CEP55: variants seen among roughly 807,000 people sequenced by gnomAD.
The protein encoded by CEP55 is centrosomal protein 55, also known as centrosomal protein of 55 kDa.
Under a neutral mutation model 63.2 loss-of-function variants are expected in CEP55, and 57 were observed. That is an observed-to-expected ratio of 0.90 (90% CI 0.73 to 1.13). The LOEUF is 1.13. Ranked by LOEUF, CEP55 falls within the 50% of genes most tolerant of loss-of-function variation. CEP55 has a pLI of 0.00. For synonymous variants in CEP55, 178 were observed against 191.6 expected (o/e 0.93, Z 0.59); for missense variants, 456 against 518.9 (o/e 0.88, Z 1.18).
At chr10:93,514,870 T>A (rs2057787360) in intron 4 of CEP55, among the ~76,000 whole-genome samples, 2 of 152,224 alleles carry the variant, frequency 1.3e-5, no homozygotes, top group South Asian at 4.1e-4. Flanking sequence ...CCTCCCGGGT[T>A]CAAGTGATTC....
At chr10:93,519,160 T>C (rs2057832340) in intron 7 of CEP55, 1 of 490,244 alleles carries the variant, frequency 2.0e-6, no homozygotes, top group South Asian at 3.2e-5. Context: ...CTAAACAGAT[T>C]CTTGAGGTGT....
intron 8 of CEP55, among the ~76,000 whole-genome samples, chr10:93,521,385 G>A (rs1404593912): frequency 2.6e-5 from 4 of 152,210 alleles, no homozygotes; most frequent in African/African-American, 9.6e-5. Context: ...CAAGGTAGCA[G>A]TGAGGCTGGG....
intron 8 of CEP55, among the ~76,000 whole-genome samples, chr10:93,524,221 G>T (rs1358614404): frequency 2.0e-5 from 3 of 151,912 alleles, no homozygotes; most frequent in East Asian, 1.9e-4. Context: ...AAAGAGAGAA[G>T]AATCAAATAG....
At chr10:93,508,888 C>T (rs1487716098) in intron 4 of CEP55, among the ~76,000 whole-genome samples, 1 of 152,204 alleles carries the variant, frequency 6.6e-6, no homozygotes, top group African/African-American at 2.4e-5. Context: ...GCTAAATTTA[C>T]AATCTATTTA....
At chr10:93,526,268 G>A (rs1241886634) in intron 8 of CEP55, among the ~76,000 whole-genome samples, 2 of 152,136 alleles carry the variant, frequency 1.3e-5, no homozygotes, top group African/African-American at 4.8e-5. Flanking sequence ...CAAAAAGTGG[G>A]TGAAGGATAT....
At chr10:93,524,317 G>A (rs930449869) in intron 8 of CEP55, among the ~76,000 whole-genome samples, 11 of 152,194 alleles carry the variant, frequency 7.2e-5, no homozygotes, top group Middle Eastern at 6.8e-3. Context: ...ACACCTCTAC[G>A]CAAATAAACT....
Position 93,528,448 on chromosome 10 carries a change from G to T in CEP55, c.*295G>T. The T allele has an allele frequency of 9.0e-6, 3 of 334,260 alleles. No homozygotes were observed. The highest frequency in any genetic ancestry group is 1.6e-5 in the Non-Finnish European group (3 of 183,140). 20.7% of individuals were successfully genotyped at this position (334,260 alleles called of 1,614,324 possible). A position where few individuals can be genotyped will look rare whatever the true frequency, so the allele number is the denominator to read the frequency against. ...ACTTGGTGAGGAAAAGATAGCTCAG[G>T]TTATTGCTAATGGGTTAATGCACCA... On this transcript the variant is annotated 3_prime_UTR_variant, in exon 9 of 9. Coordinates refer to ENST00000371485, the MANE Select transcript of CEP55 (RefSeq NM_018131.5).
intron 8 of CEP55, chr10:93,520,042 T>C (rs1252101724): frequency 5.2e-5 from 28 of 533,982 alleles, no homozygotes; most frequent in Non-Finnish European, 1.3e-5. Context: ...GCTGTGATGC[T>C]GGAGGCACTA....
At chr10:93,507,250 A>G (rs2057698774) in intron 4 of CEP55, among the ~76,000 whole-genome samples, 194 bp downstream of exon 4, 1 of 143,400 alleles carries the variant, frequency 7.0e-6, no homozygotes, top group African/African-American at 2.5e-5. Flanking sequence ...TTCCTGAGGC[A>G]AAGTCTCGGT....
intron 4 of CEP55, among the ~76,000 whole-genome samples, chr10:93,513,724 A>G (rs1275606702): frequency 6.6e-6 from 1 of 152,192 alleles, no homozygotes; most frequent in Non-Finnish European, 1.5e-5. Context: ...GGTTCTTCGA[A>G]GTTCAGATTA....
chr10:93,521,491 C>T (rs1395549143), intron 8 of CEP55, among the ~76,000 whole-genome samples: 1 of 152,182 alleles, frequency 6.6e-6, no homozygotes, highest in Non-Finnish European at 1.5e-5. Context: ...AGGAGGCCTG[C>T]CTGCCTCTGT....
rs1364418227 is a variant in CEP55 at position 93,519,593 on chromosome 10, C to T, written c.1066-89C>T. The T allele has an allele frequency of 6.5e-6, 9 of 1,378,404 alleles. No individual in the cohort carries two copies. The African/African-American group carries it at 1.3e-4, about 20-fold the overall frequency. 85.4% of individuals were successfully genotyped at this position (1,378,404 alleles called of 1,614,324 possible). On this transcript the variant is annotated intron_variant, in intron 7 of 8. Coordinates refer to ENST00000371485, the MANE Select transcript of CEP55 (RefSeq NM_018131.5). ...ACGATGGTACAATAAATATTTTCTT[C>T]ATGTGCTAATAAAAAAATGTGAGCA... is the stretch of plus-strand genomic sequence containing the variant.
At chr10:93,506,237 C>T (rs896423545) in intron 3 of CEP55, among the ~76,000 whole-genome samples, 5 of 152,182 alleles carry the variant, frequency 3.3e-5, no homozygotes, top group African/African-American at 7.2e-5. Context: ...CCACTGCACC[C>T]GGCCTAATTA....
intron 4 of CEP55, among the ~76,000 whole-genome samples, chr10:93,514,885 G>C (rs1373243599): frequency 6.6e-6 from 1 of 152,182 alleles, no homozygotes; most frequent in Non-Finnish European, 1.5e-5. Context: ...TGATTCTCCT[G>C]CCTCAGCCTC....
intron 2 of CEP55, among the ~76,000 whole-genome samples, chr10:93,502,629 T>C (rs904132260): frequency 3.3e-5 from 5 of 152,240 alleles, no homozygotes; most frequent in African/African-American, 1.2e-4. Context: ...CTGAATCATT[T>C]ATCGAAAGTA....
rs776947377 is a variant in CEP55, at chr10:93,515,551, A to C, written c.675A>C (p.Ser225=). ...SLPQQTKKPE[S]EGYLQEEKQK... ...CACAGCAGACAAAAAAGCCTGAATC[A>C]GAAGGTACTGACTGGTATAAAAATG... The change falls in exon 5 of 9, where the codon TCA becomes TCC. Residue 225 remains serine, a synonymous_variant. Coordinates refer to ENST00000371485, the MANE Select transcript of CEP55 (RefSeq NM_018131.5). 6.2e-7 allele frequency: 1 copy of C among 1,612,662 alleles called. No homozygotes were observed. The highest frequency in any genetic ancestry group is 8.5e-7 in the Non-Finnish European group (1 of 1,178,816).
rs1281216271 is a variant in CEP55, at chr10:93,500,090, GT to G, written c.40del (p.Trp14GlyfsTer14). 1 of 1,612,498 alleles carries G rather than the reference GT, an allele frequency of 6.2e-7. No homozygotes were observed. The highest frequency in any genetic ancestry group is 1.7e-5 in the Admixed American group (1 of 59,504). On this transcript the variant is annotated frameshift_variant, in exon 2 of 9. Coordinates refer to ENST00000371485, the MANE Select transcript of CEP55 (RefSeq NM_018131.5). LOFTEE classifies it high-confidence loss of function. ...GTACCAAAGATTTAATTAAAAGTAA[GT>G]GGGGATCGAAGCCTAGTAACTCCAA... Reference protein sequence around the residue: ...RSTKDLIKSKWGSKPSNSKSE... With the variant: ...RSTKDLIKSKXGSKPSNSKSE...
At chr10:93,505,015 T>C (rs1442319788) in intron 3 of CEP55, among the ~76,000 whole-genome samples, 1 of 152,152 alleles carries the variant, frequency 6.6e-6, no homozygotes, top group East Asian at 1.9e-4. Context: ...TTTCAACATG[T>C]TGGCCAGGCT....
intron 2 of CEP55, among the ~76,000 whole-genome samples, chr10:93,501,919 A>T (rs547762672): frequency 8.5e-4 from 129 of 152,276 alleles, no homozygotes; most frequent in Non-Finnish European, 1.2e-3. Context: ...CCACTTTTTG[A>T]GAAGCACTGG....
Sources: allele counts gnomAD v4.1 joint callset (sites outside exome capture counted in the v4.1 genomes callset), GRCh38; gene constraint gnomAD v4.1.1; transcripts MANE v1.5; gene names NCBI Gene and HGNC (gene_info 2026-07-23, HGNC 2026-07-21).